Variants in TAFA1 observed in about 807,000 individuals in gnomAD.
TAFA1 encodes TAFA chemokine like family member 1.
In TAFA1, 4 loss-of-function variants were observed where a neutral mutation model predicts 18.5. That is an observed-to-expected ratio of 0.22 (90% confidence interval 0.11 to 0.49). The LOEUF (loss-of-function observed/expected upper bound fraction) is 0.49. TAFA1 is among the 20% of genes least tolerant of loss of function. The pLI is 0.98. For synonymous variants in TAFA1, 56 were observed against 55.2 expected, an observed-to-expected ratio of 1.01 and a Z score of -0.06; for missense variants, 147 against 169.0, an observed-to-expected ratio of 0.87 and a Z score of 0.72.
At chr3:68,350,016 G>A (rs1187060777) in intron 2 of TAFA1, among the ~76,000 whole-genome samples, 2 of 152,118 alleles carry the variant, frequency 1.3e-5, no homozygotes, top group Non-Finnish European at 2.9e-5. Flanking sequence ...TCTGGCCTCT[G>A]TATAATTTAG....
At chr3:68,274,301 A>T (rs914527068) in intron 2 of TAFA1, among the ~76,000 whole-genome samples, 1 of 152,216 alleles carries the variant, frequency 6.6e-6, no homozygotes, top group African/African-American at 2.4e-5. Context: ...CTATGATGAA[A>T]GTTTTATTAA....
intron 2 of TAFA1, among the ~76,000 whole-genome samples, chr3:68,413,720 T>C (rs1046644823): frequency 7.2e-5 from 11 of 152,006 alleles, no homozygotes; most frequent in Admixed American, 6.6e-4. Context: ...AATTATATAC[T>C]GTGTTTGAAA....
chr3:68,483,731 G>A (rs1445109120), intron 3 of TAFA1, among the ~76,000 whole-genome samples: 3 of 152,206 alleles, frequency 2.0e-5, no homozygotes, highest in African/African-American at 7.2e-5. Flanking sequence ...AAACTTGTGG[G>A]AGAGAAGCCT....
Position 68,544,592 on chromosome 3 carries a change from T to C in TAFA1, c.*89T>C. 1 of 1,354,986 alleles carries C rather than the reference T, an allele frequency of 7.4e-7. No homozygotes were observed. Among genetic ancestry groups the C allele is most frequent in the African/African-American group, 1.4e-5 (1 of 69,586 alleles). 83.9% of individuals were successfully genotyped at this position (1,354,986 alleles called of 1,614,324 possible). On this transcript the variant is annotated 3_prime_UTR_variant, in exon 5 of 5. Coordinates refer to ENST00000478136, the MANE Select transcript of TAFA1 (RefSeq NM_213609.4). The stretch of plus-strand genomic sequence containing the variant: ...ACATCTCACATATATACAAGCCAAA[T>C]GGATTTCTTACTTGCACTTTGACTG...
At position 68,429,057 on chromosome 3, in the gene TAFA1, CT is replaced by C. The variant is rs1222840156; in HGVS notation, c.259+11638del. 2.0e-5 allele frequency among the ~76,000 whole-genome samples: 3 copies of C among 152,126 alleles called. No homozygotes were observed. The East Asian group carries it at 5.8e-4, about 29-fold the overall frequency. ...ACAGCATGCCTTGAGGCACCTGAAA[CT>C]GAAATACTGATTTCAGCAGGCAGCC... is the stretch of plus-strand genomic sequence containing the variant. On this transcript the variant is annotated intron_variant, in intron 3 of 4. Coordinates refer to ENST00000478136, the MANE Select transcript of TAFA1 (RefSeq NM_213609.4).
intron 2 of TAFA1, among the ~76,000 whole-genome samples, chr3:68,176,609 A>G (rs570231824): frequency 2.4e-4 from 37 of 152,284 alleles, no homozygotes; most frequent in African/African-American, 8.4e-4. Context: ...TTGATATCAT[A>G]CTCATTAAAA....
At chr3:68,151,693 A>C (rs1575647387) in intron 2 of TAFA1, among the ~76,000 whole-genome samples, 2 of 152,304 alleles carry the variant, frequency 1.3e-5, no homozygotes, top group Middle Eastern at 6.8e-3. Flanking sequence ...TGTGATAATG[A>C]CATTTATTCA....
intron 4 of TAFA1, among the ~76,000 whole-genome samples, chr3:68,540,404 T>C (rs1001841986): frequency 4.6e-5 from 7 of 152,176 alleles, no homozygotes; most frequent in African/African-American, 9.7e-5. Context: ...ATGCAACTTA[T>C]CCACAGAGAC....
chr3:68,225,576 T>C (rs566881316), intron 2 of TAFA1, among the ~76,000 whole-genome samples: 1 of 152,264 alleles, frequency 6.6e-6, no homozygotes, highest in African/African-American at 2.4e-5. Context: ...AGGAAATATG[T>C]ATTTCCTGAG....
At chr3:68,378,930 C>G (rs1483691804) in intron 2 of TAFA1, among the ~76,000 whole-genome samples, 3 of 152,166 alleles carry the variant, frequency 2.0e-5, no homozygotes, top group Non-Finnish European at 2.9e-5. Flanking sequence ...ACCTCCCAGC[C>G]ATGTGGAACT....
At chr3:68,011,965 A>G (rs1387900580) in intron 2 of TAFA1, among the ~76,000 whole-genome samples, 1 of 152,220 alleles carries the variant, frequency 6.6e-6, no homozygotes, top group African/African-American at 2.4e-5. Context: ...GCTCAAACCT[A>G]TGGTTTCAAC....
intron 2 of TAFA1, among the ~76,000 whole-genome samples, chr3:68,153,648 T>C (rs180690853): frequency 6.6e-6 from 1 of 152,152 alleles, no homozygotes; most frequent in Non-Finnish European, 1.5e-5. Flanking sequence ...GAGAACTTCA[T>C]GGGTTGGTTA....
chr3:68,284,857 A>G (rs1395902236), intron 2 of TAFA1, among the ~76,000 whole-genome samples: 1 of 152,180 alleles, frequency 6.6e-6, no homozygotes, highest in Non-Finnish European at 1.5e-5. Context: ...AGGATTGCTG[A>G]AGCCCAGTTT....
At chr3:68,403,290 T>C (rs1353906107) in intron 2 of TAFA1, among the ~76,000 whole-genome samples, 1 of 152,216 alleles carries the variant, frequency 6.6e-6, no homozygotes, top group Admixed American at 6.5e-5. Context: ...GACTGTGTAG[T>C]AGACTGTATA....
intron 2 of TAFA1, among the ~76,000 whole-genome samples, chr3:68,387,795 A>T (rs530693461): frequency 6.6e-6 from 1 of 152,120 alleles, no homozygotes; most frequent in Non-Finnish European, 1.5e-5. Context: ...TTCCCCCTTC[A>T]TGGTGGAGGA....
intron 2 of TAFA1, among the ~76,000 whole-genome samples, chr3:68,387,296 G>A (rs2070126892): frequency 1.3e-5 from 2 of 152,112 alleles, no homozygotes; most frequent in Non-Finnish European, 2.9e-5. Context: ...GCAGTCTATA[G>A]CTCAGTTTGC....
At chr3:68,033,054 A>AC (rs1704971693) in intron 2 of TAFA1, among the ~76,000 whole-genome samples, 1 of 152,134 alleles carries the variant, frequency 6.6e-6, no homozygotes, top group Non-Finnish European at 1.5e-5. Flanking sequence ...AAATATATAT[A>AC]CTCAACAGTC....
In TAFA1 at chr3:68,531,391, C is replaced by A. The variant is rs908684197; in HGVS notation, c.260-7365C>A. Among the ~76,000 whole-genome samples the A allele has an allele frequency of 1.3e-5, 2 of 149,350 alleles. 1 individual carries two copies. Among genetic ancestry groups the A allele is most frequent in the South Asian group, 4.2e-4 (2 of 4,812 alleles). On this transcript the variant is annotated intron_variant, in intron 3 of 4. Transcript: ENST00000478136. ...AAAGCACACTTGAAAGAGGGACAAG[C>A]GGGTGACTTGAGAGATCCAAGTGCA... is the stretch of plus-strand genomic sequence containing the variant.
intron 2 of TAFA1, among the ~76,000 whole-genome samples, chr3:68,277,698 T>A (rs2067821702): frequency 6.6e-6 from 1 of 152,170 alleles, no homozygotes; most frequent in Non-Finnish European, 1.5e-5. Flanking sequence ...ACAGATGTAA[T>A]CCTTGCCTCC....
Sources: allele counts gnomAD v4.1 joint callset (sites outside exome capture counted in the v4.1 genomes callset), GRCh38; gene constraint gnomAD v4.1.1; transcripts MANE v1.5; gene names NCBI Gene and HGNC (gene_info 2026-07-23, HGNC 2026-07-21).